Variants in NMNAT3 observed in about 807,000 individuals in gnomAD.
The protein encoded by NMNAT3 is nicotinamide nucleotide adenylyltransferase 3.
A neutral mutation model predicts 24.8 loss-of-function variants in NMNAT3; 21 were observed. That is an observed-to-expected ratio of 0.85 (90% confidence interval 0.60 to 1.22). NMNAT3 has a LOEUF of 1.22. Among genes scored for constraint, NMNAT3 ranks in the 50% most tolerant of loss-of-function variants. NMNAT3 has a pLI of 0.00. For missense variants in NMNAT3, 387 were observed against 436.6 expected (o/e 0.89, Z 1.01); for synonymous variants, 136 against 155.2 (o/e 0.88, Z 0.92).
At chr3:139,631,465 C>T (rs1025266415) in intron 2 of NMNAT3, among the ~76,000 whole-genome samples, 10 of 152,084 alleles carry the variant, frequency 6.6e-5, no homozygotes, top group African/African-American at 1.2e-4. Flanking sequence ...TCTAGTGAGA[C>T]GGAGCAAGTG....
chr3:139,590,834 A>C (rs1448793971), intron 3 of NMNAT3, among the ~76,000 whole-genome samples: 1 of 152,154 alleles, frequency 6.6e-6, no homozygotes, highest in Admixed American at 6.5e-5. Context: ...ATTCACTTTT[A>C]ATTCTTCTTT....
chr3:139,653,276 C>T (rs1216918752), intron 1 of NMNAT3, among the ~76,000 whole-genome samples: 1 of 151,968 alleles, frequency 6.6e-6, no homozygotes, highest in Non-Finnish European at 1.5e-5. Flanking sequence ...TGCAAAATAT[C>T]TTACACCTCT....
At chr3:139,588,312 C>G (rs1041065831) in intron 3 of NMNAT3, among the ~76,000 whole-genome samples, 1 of 152,168 alleles carries the variant, frequency 6.6e-6, no homozygotes, top group Admixed American at 6.5e-5. Flanking sequence ...TTCTGGGTAA[C>G]ACGACGAGCA....
intron 3 of NMNAT3, among the ~76,000 whole-genome samples, chr3:139,589,658 G>A (rs1369960112): frequency 6.6e-6 from 1 of 152,186 alleles, no homozygotes; most frequent in Non-Finnish European, 1.5e-5. Flanking sequence ...TTTAGGCTTT[G>A]CAGGCCACAT....
chr3:139,656,392 C>A (rs1208231885), intron 1 of NMNAT3, among the ~76,000 whole-genome samples: 1 of 152,126 alleles, frequency 6.6e-6, no homozygotes, highest in Admixed American at 6.5e-5. Context: ...ATTGTGATGA[C>A]CATCCAAATT....
chr3:139,669,869 T>C (rs2057703339), intron 1 of NMNAT3, among the ~76,000 whole-genome samples: 1 of 152,200 alleles, frequency 6.6e-6, no homozygotes, highest in South Asian at 2.1e-4. Context: ...ATCATCAAGC[T>C]ACAAGAGAGG....
chr3:139,639,261 G>C (rs1413405053), intron 1 of NMNAT3, among the ~76,000 whole-genome samples: 1 of 152,194 alleles, frequency 6.6e-6, no homozygotes, highest in African/African-American at 2.4e-5. Flanking sequence ...AACGTGTGTG[G>C]AATAATCAAA....
At chr3:139,674,371 C>T (rs904682880) in intron 1 of NMNAT3, among the ~76,000 whole-genome samples, 2 of 152,182 alleles carry the variant, frequency 1.3e-5, no homozygotes, top group Non-Finnish European at 2.9e-5. Flanking sequence ...CAGAACTGCA[C>T]AGCTAAACCA....
intron 2 of NMNAT3, among the ~76,000 whole-genome samples, chr3:139,631,575 G>A (rs1217007149): frequency 6.6e-6 from 1 of 152,186 alleles, no homozygotes; most frequent in African/African-American, 2.4e-5. Flanking sequence ...AGTTGAGAAT[G>A]TGGTGTACAG....
chr3:139,582,364 G>A (rs181998357), intron 4 of NMNAT3, among the ~76,000 whole-genome samples: 17 of 151,548 alleles, frequency 1.1e-4, no homozygotes, highest in Non-Finnish European at 1.6e-4. Context: ...CACTTAGGCC[G>A]GACATGATAG....
At chr3:139,562,986 G>A (rs562018172) in intron 6 of NMNAT3, among the ~76,000 whole-genome samples, 3 of 152,254 alleles carry the variant, frequency 2.0e-5, no homozygotes, top group East Asian at 3.9e-4. Context: ...TGGTTCTGAC[G>A]TTCAATACCT....
chr3:139,667,626 C>A (rs1329291765), intron 1 of NMNAT3, among the ~76,000 whole-genome samples: 1 of 152,162 alleles, frequency 6.6e-6, no homozygotes, highest in African/African-American at 2.4e-5. Context: ...CTGAATGAGA[C>A]CCAGAGTGAG....
intron 1 of NMNAT3, among the ~76,000 whole-genome samples, chr3:139,657,350 A>T (rs749409622): frequency 4.6e-5 from 7 of 152,258 alleles, no homozygotes; most frequent in Non-Finnish European, 8.8e-5. Flanking sequence ...CTCAAGAGTA[A>T]ATTGTTCTTC....
At chr3:139,662,147 A>C (rs2057435960) in intron 1 of NMNAT3, among the ~76,000 whole-genome samples, 1 of 152,090 alleles carries the variant, frequency 6.6e-6, no homozygotes, top group East Asian at 1.9e-4. Flanking sequence ...TCTCATTCCC[A>C]CAGGTTCACA....
intron 3 of NMNAT3, among the ~76,000 whole-genome samples, chr3:139,588,875 G>A (rs1392169631): frequency 1.3e-5 from 2 of 152,140 alleles, no homozygotes; most frequent in Non-Finnish European, 2.9e-5. Flanking sequence ...TCTCTCTGGG[G>A]AACAGACCTA....
At chr3:139,671,862 A>G (rs1297883634) in intron 1 of NMNAT3, among the ~76,000 whole-genome samples, 2 of 152,230 alleles carry the variant, frequency 1.3e-5, no homozygotes, top group Admixed American at 6.5e-5. Context: ...ACTGGCTCAC[A>G]GAGAAACTTC....
At chr3:139,620,178 A>C (rs1468500584) in intron 3 of NMNAT3, among the ~76,000 whole-genome samples, 1 of 148,210 alleles carries the variant, frequency 6.7e-6, no homozygotes, top group Non-Finnish European at 1.5e-5. Flanking sequence ...TCTTATGTAT[A>C]ACTGAAGCAA....
intron 6 of NMNAT3, chr3:139,566,909 G>A (rs901239491): frequency 2.0e-5 from 3 of 152,146 alleles, no homozygotes; most frequent in African/African-American, 7.2e-5. Context: ...GAAAGTCATT[G>A]GTAGGTTGAT....
chr3:139,599,921 C>T (rs1471080925), intron 3 of NMNAT3, among the ~76,000 whole-genome samples: 2 of 152,170 alleles, frequency 1.3e-5, no homozygotes, highest in Non-Finnish European at 2.9e-5. Context: ...CCAGGTCTTC[C>T]CATTACTCCA....
Sources: allele counts gnomAD v4.1 joint callset (sites outside exome capture counted in the v4.1 genomes callset), GRCh38; gene constraint gnomAD v4.1.1; transcripts MANE v1.5; gene names NCBI Gene and HGNC (gene_info 2026-07-23, HGNC 2026-07-21).